ECE1: variants seen among roughly 807,000 people sequenced by gnomAD.
ECE1 encodes the protein endothelin converting enzyme 1.
ECE1 carries 35 observed loss-of-function variants against 98.6 expected under a neutral mutation model. The ratio of observed to expected loss-of-function variants is 0.35; its 90% confidence interval spans 0.27 to 0.47. ECE1 has a LOEUF of 0.47. Ranked by LOEUF, ECE1 falls within the 20% of genes least tolerant of loss-of-function variation. The pLI, the probability that ECE1 is intolerant of heterozygous loss-of-function variation, is 1.00. For missense variants in ECE1, 814 were observed against 1,025.3 expected (o/e 0.79, Z 2.81); for synonymous variants, 394 against 407.1 (o/e 0.97, Z 0.39).
chr1:21,337,735 C>T (rs1026497546), intron 1 of ECE1, among the ~76,000 whole-genome samples: 6 of 152,084 alleles, frequency 3.9e-5, no homozygotes, highest in Non-Finnish European at 7.4e-5. Flanking sequence ...CAAAATACTG[C>T]CCCAGGAGCT....
chr1:21,329,288 G>A (rs1268698127), intron 1 of ECE1, among the ~76,000 whole-genome samples: 1 of 152,174 alleles, frequency 6.6e-6, no homozygotes, highest in Admixed American at 6.5e-5. Flanking sequence ...CATGTCCGTT[G>A]AGAAGCACTG....
At chr1:21,316,914 C>G (rs186800354) in intron 1 of ECE1, among the ~76,000 whole-genome samples, 482 of 152,210 alleles carry the variant, frequency 3.2e-3, no homozygotes, top group Non-Finnish European at 5.2e-3. Context: ...TCAGGCTGCG[C>G]TTGGTGGCTC....
chr1:21,255,858 A>G, intron 8 of ECE1, 89 bp downstream of exon 8: 1 of 1,371,400 alleles, frequency 7.3e-7, no homozygotes. Context: ...CAAGGACTAG[A>G]TGAAATGAGT....
intron 9 of ECE1, 64 bp downstream of exon 9, chr1:21,247,157 C>T (rs1464140469): frequency 6.2e-7 from 1 of 1,611,968 alleles, no homozygotes; most frequent in Non-Finnish European, 8.5e-7. Flanking sequence ...CCACCCCTGC[C>T]CACCTGCCCA....
chr1:21,339,571 T>C (rs533725712), intron 1 of ECE1, among the ~76,000 whole-genome samples: 1 of 152,344 alleles, frequency 6.6e-6, no homozygotes, highest in East Asian at 1.9e-4. Context: ...TACATTTAAG[T>C]GCCAGGCACA....
chr1:21,345,227 G>C lies in ECE1; in HGVS notation c.3+149C>G. 9.3e-7 allele frequency: 1 copy of C among 1,077,892 alleles called. No individual in the cohort carries two copies. Among genetic ancestry groups the C allele is most frequent in the Non-Finnish European group, 1.1e-6 (1 of 870,162 alleles). The allele number at this position is 1,077,892 out of a possible 1,614,324, so 66.8% of individuals were successfully genotyped here. A position where few individuals can be genotyped will look rare whatever the true frequency, so the allele number is the denominator to read the frequency against. Reference sequence around the variant, plus strand: ...CTGCCCGGGCGCTCCCCGACTCCACGCCTTCCGAGAGCCGGGCGGGGGCTG... The same window carrying C: ...CTGCCCGGGCGCTCCCCGACTCCACCCCTTCCGAGAGCCGGGCGGGGGCTG... On this transcript the variant is annotated intron_variant, in intron 1 of 18. Coordinates refer to the ECE1 transcript ENST00000415912. The surrounding 1 kb of genome is among the most constrained non-coding windows in gnomAD (Gnocchi z 5.1).
chr1:21,282,823 CAG>C (rs895880318), intron 2 of ECE1, among the ~76,000 whole-genome samples: 7 of 150,698 alleles, frequency 4.6e-5, no homozygotes, highest in Admixed American at 6.6e-5. Context: ...ATGAAAGAAA[CAG>C]AGGGATAGGA....
intron 14 of ECE1, 123 bp from the exon 15 acceptor site, chr1:21,228,164 C>A: frequency 1.4e-6 from 1 of 692,352 alleles, no homozygotes; most frequent in South Asian, 1.8e-5. Context: ...CTCCTTGACC[C>A]CAGGCCCAAG....
At chr1:21,229,942 G>A (rs573747747) in intron 14 of ECE1, among the ~76,000 whole-genome samples, 1 of 152,226 alleles carries the variant, frequency 6.6e-6, no homozygotes, top group African/African-American at 2.4e-5. Flanking sequence ...AGGCCGAGGT[G>A]GGAGGACTGC....
At chr1:21,270,006 A>C (rs2098238352) in intron 4 of ECE1, among the ~76,000 whole-genome samples, 1 of 152,196 alleles carries the variant, frequency 6.6e-6, no homozygotes, top group African/African-American at 2.4e-5. Flanking sequence ...GCTCAGACCT[A>C]AGGTTCTCCC....
intron 1 of ECE1, among the ~76,000 whole-genome samples, chr1:21,305,756 G>A (rs920835292): frequency 1.3e-5 from 2 of 152,220 alleles, no homozygotes; most frequent in East Asian, 1.9e-4. Context: ...AGGGAGGGCT[G>A]CTGAGCACAG....
intron 2 of ECE1, among the ~76,000 whole-genome samples, chr1:21,282,545 G>A (rs967391456): frequency 2.0e-5 from 3 of 147,852 alleles, no homozygotes; most frequent in East Asian, 4.0e-4. Context: ...CAGAGATCAC[G>A]CCACTGCACT....
In ECE1 at chr1:21,235,924, C is replaced by T. The variant is rs1300473063; in HGVS notation, c.1492G>A (p.Asp498Asn). Residue 498 changes from aspartate to asparagine, a missense_variant, in exon 13 of 19, where the codon GAT becomes AAT. Asp to Asn is a conservative substitution (Grantham distance 23). This residue lies in a region of ECE1 where 452 missense variants were observed against 567.3 expected (regional missense o/e 0.80). Transcript: ENST00000374893. This position sits in a 1 kb window ranked among gnomAD's most constrained non-coding sequence, Gnocchi z 4.2. ...TATCCTATCATGTTGTAGATGGCAT[C>T]GGCCTGGACAGGACAGACAGAGGAA... ...ETRKSAKEKADAIYNMIGYPN... is the reference protein window; with the variant it reads ...ETRKSAKEKANAIYNMIGYPN... The T allele has an allele frequency of 6.2e-6, 10 of 1,614,026 alleles. No individual in the cohort carries two copies. The highest frequency in any genetic ancestry group is 1.1e-5 in the South Asian group (1 of 91,084).
At chr1:21,237,264 C>G (rs1429973882) in intron 11 of ECE1, among the ~76,000 whole-genome samples, 1 of 152,046 alleles carries the variant, frequency 6.6e-6, no homozygotes. Context: ...ACTCATGTTC[C>G]GAGGAGCAGC....
At chr1:21,239,117 GCCA>G (rs778767957) in intron 10 of ECE1, among the ~76,000 whole-genome samples, 100 of 151,980 alleles carry the variant, frequency 6.6e-4, no homozygotes, top group Middle Eastern at 3.4e-3. Flanking sequence ...ACAGGCGTGA[GCCA>G]CCACACCTGG....
chr1:21,287,648 C>T (rs921456231), intron 2 of ECE1, among the ~76,000 whole-genome samples: 1 of 152,096 alleles, frequency 6.6e-6, no homozygotes, highest in African/African-American at 2.4e-5. Context: ...AGCAGTTGCG[C>T]CTAAGTGTCC....
chr1:21,220,883 G>A lies in ECE1; in HGVS notation c.2137-752C>T, dbSNP rs1182654552. On this transcript the variant is annotated intron_variant, in intron 18 of 18. Coordinates refer to ENST00000374893, the MANE Select transcript of ECE1 (RefSeq NM_001397.3). The surrounding 1 kb of genome is among the most constrained non-coding windows in gnomAD (Gnocchi z 5.0). The stretch of plus-strand genomic sequence containing the variant: ...TCCCGGGGAGTCAGGAGGGTCCCCT[G>A]AGCGGGTCAGGAAGAGACAGTGGGC... Among the ~76,000 whole-genome samples the A allele has an allele frequency of 6.6e-6, 1 of 152,152 alleles. No homozygotes were observed. Among genetic ancestry groups the A allele is most frequent in the Non-Finnish European group, 1.5e-5 (1 of 68,026 alleles).
intron 1 of ECE1, among the ~76,000 whole-genome samples, chr1:21,318,859 G>C (rs1208549982): frequency 6.6e-6 from 1 of 152,228 alleles, no homozygotes; most frequent in Non-Finnish European, 1.5e-5. Flanking sequence ...CTTCTGTCGG[G>C]GGAGACGCTG....
chr1:21,306,740 C>A (rs548282948), intron 1 of ECE1, among the ~76,000 whole-genome samples: 3 of 152,308 alleles, frequency 2.0e-5, no homozygotes, highest in African/African-American at 7.2e-5. Flanking sequence ...CAATATGACT[C>A]CAACTTGACC....
Sources: gnomAD v4.1 joint callset for allele counts (sites outside exome capture counted in the v4.1 genomes callset) on GRCh38, gnomAD v4.1.1 for gene constraint, gnomAD v4.1.1 regional missense constraint, Gnocchi (gnomAD v3.1) non-coding constraint, MANE v1.5 for transcripts, NCBI Gene and HGNC (gene_info 2026-07-23, HGNC 2026-07-21) for gene names.